The following NUP62 variants were observed in gnomAD, a reference collection of about 807,000 sequenced individuals.
The protein encoded by NUP62 is nucleoporin 62.
For synonymous variants in NUP62, 305 were observed against 303.4 expected (o/e 1.01, Z -0.05); for missense variants, 647 against 689.4 (o/e 0.94, Z 0.69).
chr19:49,921,976 G>A lies in NUP62; in HGVS notation c.-78+5718C>T, dbSNP rs942319690. On this transcript the variant is annotated intron_variant, in intron 2 of 2. Coordinates refer to ENST00000352066, the MANE Select transcript of NUP62 (RefSeq NM_016553.5). This position sits in a 1 kb window ranked among gnomAD's most constrained non-coding sequence, Gnocchi z 5.4. ...AAGCAGCCCCGACGGCAGGGCCCTA[G>A]GGCCCCAGGCCAGGCCACCACGACC... is the stretch of plus-strand genomic sequence containing the variant. 2.0e-5 allele frequency among the ~76,000 whole-genome samples: 3 copies of A among 152,190 alleles called. No individual in the cohort carries two copies. Among genetic ancestry groups the A allele is most frequent in the African/African-American group, 7.2e-5 (3 of 41,448 alleles).
chr19:49,913,794 GCCA>G (rs954455977), intron 2 of NUP62, among the ~76,000 whole-genome samples: 31 of 152,304 alleles, frequency 2.0e-4, no homozygotes, highest in African/African-American at 7.2e-4. Flanking sequence ...GGGACTGTGG[GCCA>G]CGTGACAGGC....
In NUP62 at chr19:49,909,275, T is replaced by C; in HGVS notation, c.533A>G (p.Asn178Ser). 1 of 1,614,048 alleles carries C rather than the reference T, an allele frequency of 6.2e-7. No individual in the cohort carries two copies. The highest frequency in any genetic ancestry group is 8.5e-7 in the Non-Finnish European group (1 of 1,179,990). Reference sequence around the variant, plus strand: ...GGCAGGTGCCGTGGGCTGGGCTGAATTCCCTGCTGAGCCAATGTTGAAACC... The same window carrying C: ...GGCAGGTGCCGTGGGCTGGGCTGAACTCCCTGCTGAGCCAATGTTGAAACC... ...PSGFNIGSAG[N>S]SAQPTAPATL... The change falls in exon 3 of 3, where the codon AAT (asparagine) becomes AGT (serine). Residue 178 changes from asparagine (N) to serine (S), a missense_variant. Asn to Ser is a conservative substitution (Grantham distance 46). Transcript: ENST00000352066.
intron 2 of NUP62, among the ~76,000 whole-genome samples, chr19:49,927,471 C>A (rs1437277495): frequency 6.6e-6 from 1 of 152,116 alleles, no homozygotes; most frequent in Admixed American, 6.5e-5. Context: ...TGTTCTAGGC[C>A]GCATGCAGGC....
intron 2 of NUP62, among the ~76,000 whole-genome samples, chr19:49,912,341 G>GT (rs1302671933): frequency 6.6e-6 from 1 of 152,002 alleles, no homozygotes; most frequent in Non-Finnish European, 1.5e-5. Flanking sequence ...GCTAATTTTT[G>GT]TATTTTTAGT....
chr19:49,909,801 C>T lies in NUP62; in HGVS notation c.7G>A (p.Gly3Arg), dbSNP rs749287221. MS[G>R]FNFGGTGAPT... ...GCCCCAGTGCCTCCAAAATTAAACCCGCTCATGGCTCCGGACTCTGGTGGC... is the reference window on the plus strand; with the variant it reads ...GCCCCAGTGCCTCCAAAATTAAACCTGCTCATGGCTCCGGACTCTGGTGGC... The change falls in exon 3 of 3, where the codon GGG (glycine) becomes AGG (arginine). Residue 3 changes from glycine to arginine, a missense_variant. Transcript: ENST00000352066. 1.2e-5 allele frequency: 19 copies of T among 1,613,906 alleles called. No homozygotes were observed. In the East Asian group the frequency reaches 1.6e-4, roughly 13 times the overall value.
Position 49,913,746 on chromosome 19 carries a change from T to C in NUP62, c.-77-3862A>G, listed in dbSNP as rs533603017. On this transcript the variant is annotated intron_variant, in intron 2 of 2. Coordinates refer to ENST00000352066, the MANE Select transcript of NUP62 (RefSeq NM_016553.5). ...GAGTAGAAAGCTTTGCTGAGCTCTGTGAGTCTTAGCTCATCACTGAGCCGC... is the reference window on the plus strand; with the variant it reads ...GAGTAGAAAGCTTTGCTGAGCTCTGCGAGTCTTAGCTCATCACTGAGCCGC... Among the ~76,000 whole-genome samples the C allele has an allele frequency of 7.5e-4, 113 of 150,796 alleles. No individual in the cohort carries two copies. In the Middle Eastern group the frequency reaches 0.014, roughly 18 times the overall value.
chr19:49,910,377 A>G (rs1424500139), intron 2 of NUP62, among the ~76,000 whole-genome samples: 2 of 152,058 alleles, frequency 1.3e-5, no homozygotes, highest in South Asian at 2.1e-4. Context: ...GCTGGATGGC[A>G]GGGTCTGGGT....
chr19:49,928,802 T>C (rs1452635089), intron 1 of NUP62: 1 of 152,126 alleles, frequency 6.6e-6, no homozygotes, highest in East Asian at 1.9e-4. Context: ...TGGCAGGAAA[T>C]TCTGCAAGCA....
intron 2 of NUP62, among the ~76,000 whole-genome samples, chr19:49,912,708 A>C (rs773948141): frequency 1.2e-4 from 18 of 152,112 alleles, no homozygotes; most frequent in Non-Finnish European, 2.2e-4. Context: ...TACACAAAAA[A>C]CACAAAAATG....
chr19:49,920,048 C>T (rs1273259977), intron 2 of NUP62, among the ~76,000 whole-genome samples: 2 of 152,128 alleles, frequency 1.3e-5, no homozygotes, highest in South Asian at 2.1e-4. Context: ...CTCAGCCTCC[C>T]TAATAGCTGG....
chr19:49,907,384 G>A lies in NUP62; in HGVS notation c.*855C>T, dbSNP rs2075345351. On this transcript the variant is annotated 3_prime_UTR_variant, in exon 3 of 3. Coordinates refer to ENST00000352066, the MANE Select transcript of NUP62 (RefSeq NM_016553.5). ...TCTGTGGTTCCTCAACACCCTGTGT[G>A]TGCAGGCCCCTCAGCTGACCTGTCT... 2.8e-6 allele frequency: 1 copy of A among 362,688 alleles called. No individual in the cohort carries two copies. 22.5% of individuals were successfully genotyped at this position (362,688 alleles called of 1,614,324 possible). A position where few individuals can be genotyped will look rare whatever the true frequency, so the allele number is the denominator to read the frequency against.
chr19:49,908,344 G>A lies in NUP62; in HGVS notation c.1464C>T (p.Ile488=), dbSNP rs1210038077. The A allele has an allele frequency of 3.1e-6, 5 of 1,614,090 alleles. No homozygotes were observed. The highest frequency in any genetic ancestry group is 2.2e-5 in the East Asian group (1 of 44,882). ...TCTGCAGCAGGGCCGAGTTCTGGTCGATCCACTGCAGTGAGTCCATGTGCG... is the reference window on the plus strand; with the variant it reads ...TCTGCAGCAGGGCCGAGTTCTGGTCAATCCACTGCAGTGAGTCCATGTGCG... ...LNAHMDSLQW[I]DQNSALLQRK... Residue 488 remains isoleucine (I), a synonymous_variant, in exon 3 of 3, where the codon ATC becomes ATT. Transcript: ENST00000352066.
intron 2 of NUP62, among the ~76,000 whole-genome samples, chr19:49,922,540 G>C (rs1048444543): frequency 2.4e-4 from 37 of 152,034 alleles, no homozygotes; most frequent in Middle Eastern, 3.4e-3. Context: ...GAGACTCTTG[G>C]AATGAGGGCT....
intron 2 of NUP62, among the ~76,000 whole-genome samples, chr19:49,911,711 T>C (rs1013428072): frequency 9.9e-5 from 15 of 152,212 alleles, no homozygotes; most frequent in African/African-American, 3.6e-4. Flanking sequence ...TGGGCGTCCA[T>C]CACTACTGAC....
In NUP62 at chr19:49,909,564, C is replaced by T. The variant is rs182434614; in HGVS notation, c.244G>A (p.Ala82Thr). The T allele has an allele frequency of 6.2e-7, 1 of 1,614,054 alleles. No homozygotes were observed. The highest frequency in any genetic ancestry group is 2.2e-5 in the East Asian group (1 of 44,894). Residue 82 changes from alanine to threonine, a missense_variant, in exon 3 of 3, where the codon GCT (alanine) becomes ACT (threonine). By Grantham distance (58) the Ala-to-Thr change is moderately conservative. Coordinates refer to ENST00000352066, the MANE Select transcript of NUP62 (RefSeq NM_016553.5). ...AAAGAAAATCCAGTTCCCCCCGAAG[C>T]AAGAGTCGCTGTTCCAAAAGTGAAG... ...TGFTFGTATLASGGTGFSLGI... is the reference protein window; with the variant it reads ...TGFTFGTATLTSGGTGFSLGI...
intron 2 of NUP62, 23 bp from the exon 3 acceptor site, chr19:49,909,907 G>T: frequency 7.5e-7 from 1 of 1,330,188 alleles, no homozygotes; most frequent in Non-Finnish European, 1.1e-6. Flanking sequence ...AAGTGACATT[G>T]TCAGATGGCA....
chr19:49,912,255 C>T (rs920169466), intron 2 of NUP62, among the ~76,000 whole-genome samples: 13 of 151,182 alleles, frequency 8.6e-5, no homozygotes, highest in Non-Finnish European at 1.2e-4. Context: ...CTGCAACCTC[C>T]GCTTCCCGGG....
At chr19:49,925,691 T>G (rs747208465) in intron 2 of NUP62, among the ~76,000 whole-genome samples, 1 of 152,168 alleles carries the variant, frequency 6.6e-6, no homozygotes, top group Non-Finnish European at 1.5e-5. Flanking sequence ...AGAAAGGGCA[T>G]TAAGTAACAA....
At chr19:49,911,094 T>C (rs1174177485) in intron 2 of NUP62, 1 of 152,280 alleles carries the variant, frequency 6.6e-6, no homozygotes. Context: ...TTTGTGGAAA[T>C]GGGATCTCAC....
Sources: allele counts gnomAD v4.1 joint callset (sites outside exome capture counted in the v4.1 genomes callset), GRCh38; gene constraint gnomAD v4.1.1; non-coding constraint Gnocchi (gnomAD v3.1); transcripts MANE v1.5; gene names NCBI Gene and HGNC (gene_info 2026-07-23, HGNC 2026-07-21).